UBE2E2: variants seen among roughly 807,000 people sequenced by gnomAD.
UBE2E2 encodes ubiquitin conjugating enzyme E2 E2.
A neutral mutation model predicts 24.7 loss-of-function variants in UBE2E2; 6 were observed. That is an observed-to-expected ratio of 0.24 (90% confidence interval 0.13 to 0.48). UBE2E2 has a LOEUF of 0.48. Ranked by LOEUF, UBE2E2 falls within the 20% of genes least tolerant of loss-of-function variation. The probability of loss-of-function intolerance (pLI) is 0.99; values close to 1 mark genes in which losing one functional copy is unlikely to be tolerated. For synonymous variants in UBE2E2, 104 were observed against 83.6 expected, an observed-to-expected ratio of 1.24 and a Z score of -1.33; for missense variants, 169 against 245.0, an observed-to-expected ratio of 0.69 and a Z score of 2.07.
intron 3 of UBE2E2, among the ~76,000 whole-genome samples, chr3:23,344,147 AT>A (rs1162308856): frequency 6.6e-6 from 1 of 152,004 alleles, no homozygotes; most frequent in Non-Finnish European, 1.5e-5. Flanking sequence ...GAGTTTACAG[AT>A]TTGGGGATGT....
intron 3 of UBE2E2, among the ~76,000 whole-genome samples, chr3:23,324,037 A>G (rs1007726111): frequency 6.6e-6 from 1 of 152,170 alleles, no homozygotes; most frequent in African/African-American, 2.4e-5. Flanking sequence ...TAAACTGTAT[A>G]AGCCAAACAT....
intron 5 of UBE2E2, among the ~76,000 whole-genome samples, chr3:23,544,129 A>G (rs1473566815): frequency 6.6e-6 from 1 of 152,020 alleles, no homozygotes; most frequent in Non-Finnish European, 1.5e-5. Flanking sequence ...CCTAGGAAAA[A>G]CTCTTTTGGG....
intron 5 of UBE2E2, among the ~76,000 whole-genome samples, chr3:23,562,979 G>C (rs1229484614): frequency 6.6e-6 from 1 of 151,898 alleles, no homozygotes; most frequent in East Asian, 1.9e-4. Context: ...TATTAGTCTT[G>C]CTAGCAGTCT....
chr3:23,300,746 C>A (rs1280927988), intron 3 of UBE2E2, among the ~76,000 whole-genome samples: 2 of 152,060 alleles, frequency 1.3e-5, no homozygotes, highest in African/African-American at 4.8e-5. Flanking sequence ...TTTGGTGAAT[C>A]TGACAATTAT....
intron 4 of UBE2E2, among the ~76,000 whole-genome samples, chr3:23,528,956 CT>C (rs1695061670): frequency 6.6e-6 from 1 of 152,244 alleles, no homozygotes; most frequent in Admixed American, 6.5e-5. Flanking sequence ...TGGAATACTA[CT>C]CATCAGTAAG....
intron 3 of UBE2E2, among the ~76,000 whole-genome samples, chr3:23,482,434 G>A (rs1167492966): frequency 4.6e-5 from 7 of 151,426 alleles, no homozygotes; most frequent in Non-Finnish European, 1.0e-4. Context: ...TTCCAGCTGG[G>A]GCTACACCTC....
At chr3:23,579,057 G>T (rs1696409139) in intron 5 of UBE2E2, among the ~76,000 whole-genome samples, 1 of 152,252 alleles carries the variant, frequency 6.6e-6, no homozygotes, top group Non-Finnish European at 1.5e-5. Flanking sequence ...CATTCTGAAG[G>T]CCATGTATCA....
At chr3:23,321,821 C>A (rs1694745693) in intron 3 of UBE2E2, among the ~76,000 whole-genome samples, 1 of 151,682 alleles carries the variant, frequency 6.6e-6, no homozygotes, top group African/African-American at 2.4e-5. Context: ...AGAGATTTAT[C>A]CAAGCTCTTT....
chr3:23,434,116 G>C (rs1402349730), intron 3 of UBE2E2, among the ~76,000 whole-genome samples: 1 of 152,044 alleles, frequency 6.6e-6, no homozygotes, highest in African/African-American at 2.4e-5. Flanking sequence ...ATGCTTTTGA[G>C]ACCAGCTAAT....
intron 3 of UBE2E2, among the ~76,000 whole-genome samples, chr3:23,341,220 C>CTT (rs1378302228): frequency 1.3e-5 from 2 of 152,076 alleles, no homozygotes; most frequent in Non-Finnish European, 2.9e-5. Context: ...AACAAATTAT[C>CTT]TTATTGGTGG....
intron 3 of UBE2E2, among the ~76,000 whole-genome samples, chr3:23,234,896 G>T (rs1466017177): frequency 1.3e-5 from 2 of 152,126 alleles, no homozygotes; most frequent in Admixed American, 1.3e-4. Context: ...CTGGGAAATA[G>T]CAGATAAAAT....
chr3:23,406,376 A>G (rs754922437), intron 3 of UBE2E2, among the ~76,000 whole-genome samples: 3 of 152,198 alleles, frequency 2.0e-5, no homozygotes, highest in Admixed American at 1.3e-4. Context: ...CCTCGAACTG[A>G]TATGTTTAAC....
intron 2 of UBE2E2, 65 bp downstream of exon 2, chr3:23,208,940 T>C: frequency 7.0e-7 from 1 of 1,437,064 alleles, no homozygotes; most frequent in Non-Finnish European, 9.2e-7. Flanking sequence ...TCTATTTTTC[T>C]CTTGCATTTA....
intron 3 of UBE2E2, among the ~76,000 whole-genome samples, chr3:23,387,127 A>T (rs1559369144): frequency 1.3e-5 from 2 of 152,232 alleles, no homozygotes; most frequent in African/African-American, 4.8e-5. Context: ...TAAGACGCAC[A>T]TATGCAGATG....
rs141426631 is a variant in UBE2E2, at chr3:23,467,592, C to T, written c.228-32016C>T. Among the ~76,000 whole-genome samples the T allele has an allele frequency of 1.9e-3, 296 of 152,200 alleles. 1 individual carries two copies. The highest frequency in any genetic ancestry group is 6.8e-3 in the African/African-American group (284 of 41,520). ...ATAAAAGGGTTCCTGCAGTGTTGGA[C>T]AGAATAAATGGATGGTAGCTCTTAG... On this transcript the variant is annotated intron_variant, in intron 3 of 5. Coordinates refer to ENST00000396703, the MANE Select transcript of UBE2E2 (RefSeq NM_152653.4).
chr3:23,464,179 C>T (rs750322332), intron 3 of UBE2E2, among the ~76,000 whole-genome samples: 1 of 151,952 alleles, frequency 6.6e-6, no homozygotes, highest in Non-Finnish European at 1.5e-5. Context: ...AAACCTGACC[C>T]CCGAAATCAA....
chr3:23,499,489 A>G, intron 3 of UBE2E2, 119 bp from the exon 4 acceptor site: 1 of 1,245,648 alleles, frequency 8.0e-7, no homozygotes, highest in East Asian at 2.5e-5. Flanking sequence ...CATGAGAGTT[A>G]ACTGATTAAC....
At chr3:23,293,167 T>C (rs1698814407) in intron 3 of UBE2E2, among the ~76,000 whole-genome samples, 1 of 152,246 alleles carries the variant, frequency 6.6e-6, no homozygotes. Context: ...AGCACTCAGC[T>C]GCTTCATCAA....
At chr3:23,261,969 C>G (rs755219280) in intron 3 of UBE2E2, among the ~76,000 whole-genome samples, 1 of 152,168 alleles carries the variant, frequency 6.6e-6, no homozygotes, top group Non-Finnish European at 1.5e-5. Context: ...ATTCTGATTT[C>G]CATTCCTTTG....
Sources: gnomAD v4.1 joint callset for allele counts (sites outside exome capture counted in the v4.1 genomes callset) on GRCh38, gnomAD v4.1.1 for gene constraint, MANE v1.5 for transcripts, NCBI Gene and HGNC (gene_info 2026-07-23, HGNC 2026-07-21) for gene names.